The following OSTM1 variants were observed in gnomAD, a reference collection of about 807,000 sequenced individuals.
OSTM1 encodes osteopetrosis-associated transmembrane protein 1.
A neutral mutation model predicts 35.4 loss-of-function variants in OSTM1; 26 were observed. The observed-to-expected ratio is 0.73, with a 90% CI of 0.54 to 1.02. The LOEUF is 1.02. Ranked by LOEUF, OSTM1 falls within the 50% of genes least tolerant of loss-of-function variation. OSTM1 has a pLI of 0.00. For missense variants in OSTM1, 366 were observed against 409.6 expected (o/e 0.89, Z 0.92); for synonymous variants, 181 against 165.0 (o/e 1.10, Z -0.75).
chr6:108,069,130 TG>T (rs1772436748), intron 1 of OSTM1, among the ~76,000 whole-genome samples: 1 of 152,258 alleles, frequency 6.6e-6, no homozygotes, highest in Admixed American at 6.5e-5. Flanking sequence ...TGGTAGCATC[TG>T]GGTTTTTTAA....
intron 5 of OSTM1, among the ~76,000 whole-genome samples, chr6:108,047,624 T>G (rs6914125): frequency 0.01 from 1,555 of 152,134 alleles, 21 homozygotes; most frequent in African/African-American, 0.028. Context: ...AGATAAGAGA[T>G]GAAGATGGTT....
At chr6:108,067,493 G>A (rs922432502) in intron 1 of OSTM1, among the ~76,000 whole-genome samples, 1 of 150,194 alleles carries the variant, frequency 6.7e-6, no homozygotes, top group African/African-American at 2.4e-5. Context: ...AAGGAAGAAG[G>A]GAAGGCAGGA....
intron 5 of OSTM1, among the ~76,000 whole-genome samples, chr6:108,045,143 A>G (rs1751305318): frequency 6.6e-6 from 1 of 152,184 alleles, no homozygotes; most frequent in African/African-American, 2.4e-5. Context: ...TACTTAGACA[A>G]TGAAAGTGCT....
intron 3 of OSTM1, among the ~76,000 whole-genome samples, chr6:108,054,236 C>T (rs117748892): frequency 6.6e-6 from 1 of 152,196 alleles, no homozygotes; most frequent in Non-Finnish European, 1.5e-5. Flanking sequence ...CAATCATTAT[C>T]TCACCAGATT....
At chr6:108,049,451 T>C (rs778780289) in intron 4 of OSTM1, 33 bp from the exon 5 acceptor site, 1 of 1,606,960 alleles carries the variant, frequency 6.2e-7, no homozygotes, top group Admixed American at 1.7e-5. Flanking sequence ...CTTTCTATTT[T>C]ATATTTAACT....
intron 2 of OSTM1, among the ~76,000 whole-genome samples, chr6:108,061,235 A>G (rs1772265202): frequency 6.6e-6 from 1 of 152,162 alleles, no homozygotes; most frequent in South Asian, 2.1e-4. Context: ...AGGGAAAAAA[A>G]CTGGCTGGGG....
chr6:108,044,824 G>T lies in OSTM1; in HGVS notation c.966C>A (p.Ser322=). 6.4e-7 allele frequency: 1 copy of T among 1,568,556 alleles called. No individual in the cohort carries two copies. The highest frequency in any genetic ancestry group is 8.7e-7 in the Non-Finnish European group (1 of 1,145,644). Residue 322 remains serine, a synonymous_variant, in exon 6 of 6, where the codon TCC becomes TCA. Transcript: ENST00000193322. ...RKLILPKRLK[S]STSFANIQEN... ...CCTGAATATTTGCAAAACTGGTACT[G>T]GACTTGAGACGTTTGGCTAGATAAA...
chr6:108,054,717 A>C, intron 2 of OSTM1, 130 bp from the exon 3 acceptor site: 1 of 486,522 alleles, frequency 2.1e-6, no homozygotes, highest in Non-Finnish European at 3.7e-6. Context: ...TGAATTTTCC[A>C]AATATATGAA....
chr6:108,051,236 C>A (rs764515512), intron 3 of OSTM1, 38 bp from the exon 4 acceptor site: 2 of 1,384,246 alleles, frequency 1.4e-6, no homozygotes, highest in East Asian at 4.7e-5. Context: ...ATACAATAAA[C>A]ATTATATACA....
rs1049678133 is a variant in OSTM1, at chr6:108,043,919, C to G, written c.*866G>C. The stretch of plus-strand genomic sequence containing the variant: ...CTCTTCTCCAAAATCCTCTATATAT[C>G]TTAAGAAGAAAATATTCCTTTAAAA... On this transcript the variant is annotated 3_prime_UTR_variant, in exon 6 of 6. Coordinates refer to ENST00000193322, the MANE Select transcript of OSTM1 (RefSeq NM_014028.4). 17 of 152,326 alleles carry G rather than the reference C, an allele frequency of 1.1e-4. No individual in the cohort carries two copies. Among genetic ancestry groups the G allele is most frequent in the African/African-American group, 4.1e-4 (17 of 41,400 alleles). 9.4% of individuals were successfully genotyped at this position (152,326 alleles called of 1,614,324 possible). A position where few individuals can be genotyped will look rare whatever the true frequency, so the allele number is the denominator to read the frequency against.
In OSTM1 at chr6:108,043,780, A is replaced by G. The variant is rs1771916464; in HGVS notation, c.*1005T>C. The G allele has an allele frequency of 6.6e-6, 1 of 152,190 alleles. No homozygotes were observed. Among genetic ancestry groups the G allele is most frequent in the Admixed American group, 6.5e-5 (1 of 15,270 alleles). The allele number at this position is 152,190 out of a possible 1,614,324, so 9.4% of individuals were successfully genotyped here. A position where few individuals can be genotyped will look rare whatever the true frequency, so the allele number is the denominator to read the frequency against. ...ATCTCACTATTTTCTGCATGAGACT[A>G]TCGTTCCGATTCATCCCCTCAATAC... On this transcript the variant is annotated 3_prime_UTR_variant, in exon 6 of 6. Transcript: ENST00000193322.
chr6:108,074,638 G>A lies in OSTM1; in HGVS notation c.14C>T (p.Pro5Leu), dbSNP rs368859294. 6.4e-6 allele frequency: 10 copies of A among 1,551,052 alleles called. No homozygotes were observed. In the East Asian group the frequency reaches 7.1e-5, roughly 11 times the overall value. The change falls in exon 1 of 6, where the codon CCG (proline) becomes CTG (leucine). Residue 5 changes from proline to leucine, a missense_variant. By Grantham distance (98) the Pro-to-Leu change is moderately conservative (BLOSUM62 -3). Around this residue, in one of 3 missense-constraint regions of OSTM1, gnomAD observed 236 missense variants for 239.3 expected, o/e 0.99. Transcript: ENST00000193322. The part of the protein sequence containing the change: MEPG[P>L]TAAQRRCSLP... ...CGAACACCTCCGCTGCGCGGCTGTCGGGCCCGGCTCCATCACCGGGCTCAC... is the reference window on the plus strand; with the variant it reads ...CGAACACCTCCGCTGCGCGGCTGTCAGGCCCGGCTCCATCACCGGGCTCAC...
intron 2 of OSTM1, among the ~76,000 whole-genome samples, chr6:108,063,054 C>T (rs945977732): frequency 6.6e-6 from 1 of 151,524 alleles, no homozygotes; most frequent in African/African-American, 2.4e-5. Context: ...GCTCTGTTGC[C>T]CAGGCTGGAA....
chr6:108,047,475 C>G (rs1368112543), intron 5 of OSTM1, among the ~76,000 whole-genome samples: 1 of 152,208 alleles, frequency 6.6e-6, no homozygotes, highest in Non-Finnish European at 1.5e-5. Context: ...AATGGGAACA[C>G]ATTAAGCATT....
intron 1 of OSTM1, among the ~76,000 whole-genome samples, chr6:108,068,036 A>C (rs1233321122): frequency 6.6e-6 from 1 of 151,978 alleles, no homozygotes; most frequent in Non-Finnish European, 1.5e-5. Context: ...GACTCCATCA[A>C]ATTCACTCTT....
chr6:108,050,929 A>G, intron 4 of OSTM1, 102 bp downstream of exon 4: 1 of 995,596 alleles, frequency 1.0e-6, no homozygotes, highest in Non-Finnish European at 1.6e-6. Flanking sequence ...GGTTGAGGAC[A>G]GAATATGCAG....
In OSTM1 at chr6:108,046,402, C is replaced by T. The variant is rs184434885; in HGVS notation, c.950-1562G>A. On this transcript the variant is annotated intron_variant, in intron 5 of 5. Transcript: ENST00000193322. ...TGTCGCCCAGGCTGGAGTGCAGTGGCGCGATCTCAGCTCACTGCAACCTCT... is the reference window on the plus strand; with the variant it reads ...TGTCGCCCAGGCTGGAGTGCAGTGGTGCGATCTCAGCTCACTGCAACCTCT... Among the ~76,000 whole-genome samples, 72 of 147,728 alleles carry T rather than the reference C, an allele frequency of 4.9e-4. 2 individuals carry two copies. Among genetic ancestry groups the T allele is most frequent in the Middle Eastern group, 3.5e-3 (1 of 284 alleles).
Position 108,044,796 on chromosome 6 carries a change from T to A in OSTM1, c.994A>T (p.Asn332Tyr). 1.3e-6 allele frequency: 2 copies of A among 1,575,892 alleles called. No individual in the cohort carries two copies. The highest frequency in any genetic ancestry group is 2.3e-5 in the South Asian group (2 of 87,744). ...CCATTTTGTAGGTCTCAGTTTGAAT[T>A]TTCCTGAATATTTGCAAAACTGGTA... ...SSTSFANIQE[N>Y]SN The change falls in exon 6 of 6, where the codon AAT becomes TAT. Residue 332 changes from asparagine (N) to tyrosine (Y), a missense_variant. Asn to Tyr is a moderately radical substitution (Grantham distance 143). Around this residue, in one of 3 missense-constraint regions of OSTM1, gnomAD observed 125 missense variants for 151.7 expected, o/e 0.82. Coordinates refer to ENST00000193322, the MANE Select transcript of OSTM1 (RefSeq NM_014028.4).
chr6:108,057,327 T>C (rs1772186206), intron 2 of OSTM1, among the ~76,000 whole-genome samples: 2 of 152,200 alleles, frequency 1.3e-5, no homozygotes, highest in Non-Finnish European at 2.9e-5. Flanking sequence ...AACAATTACA[T>C]AGTTTTTGTA....
Sources: gnomAD v4.1 joint callset for allele counts (sites outside exome capture counted in the v4.1 genomes callset) on GRCh38, gnomAD v4.1.1 for gene constraint, gnomAD v4.1.1 regional missense constraint, MANE v1.5 for transcripts, NCBI Gene and HGNC (gene_info 2026-07-23, HGNC 2026-07-21) for gene names.